ADAM17: variants seen among roughly 807,000 people sequenced by gnomAD.
The protein encoded by ADAM17 is disintegrin and metalloproteinase domain-containing protein 17.
ADAM17 carries 39 observed loss-of-function variants against 96.7 expected under a neutral mutation model. That is an observed-to-expected ratio of 0.40 (90% CI 0.31 to 0.53). The LOEUF (loss-of-function observed/expected upper bound fraction) is 0.53, where lower values mean the gene tolerates loss of function less well. Among genes scored for constraint, ADAM17 ranks in the 20% least tolerant of loss-of-function variants. The pLI, the probability that ADAM17 is intolerant of heterozygous loss-of-function variation, is 0.44. For missense variants in ADAM17, 777 were observed against 1,013.2 expected, an observed-to-expected ratio of 0.77 and a Z score of 3.17; for synonymous variants, 344 against 359.2, an observed-to-expected ratio of 0.96 and a Z score of 0.48.
intron 13 of ADAM17, 86 bp from the exon 14 acceptor site, chr2:9,497,334 A>G: frequency 6.5e-7 from 1 of 1,549,044 alleles, no homozygotes; most frequent in Non-Finnish European, 8.7e-7. Context: ...TTCTCATACA[A>G]GTGAGCATCT....
chr2:9,523,488 C>G, intron 6 of ADAM17, 150 bp from the exon 7 acceptor site: 2 of 628,820 alleles, frequency 3.2e-6, no homozygotes, highest in Non-Finnish European at 5.4e-6. Flanking sequence ...TGAGATGTTA[C>G]TGTATCAGAG....
chr2:9,527,974 C>A lies in ADAM17; in HGVS notation c.451-20G>T. ...AAGTGGCTAAAACAGAAAATATATA[C>A]GACTGAGATGGAAAACAATAATAAT... On this transcript the variant is annotated intron_variant, in intron 4 of 18. Transcript: ENST00000310823. 1.4e-6 allele frequency: 2 copies of A among 1,421,918 alleles called. No homozygotes were observed. Among genetic ancestry groups the A allele is most frequent in the Non-Finnish European group, 1.9e-6 (2 of 1,066,692 alleles). 88.1% of individuals were successfully genotyped at this position (1,421,918 alleles called of 1,614,324 possible). A position where few individuals can be genotyped will look rare whatever the true frequency, so the allele number is the denominator to read the frequency against.
In ADAM17 at chr2:9,551,768, T is replaced by C. The variant is rs185043336; in HGVS notation, c.97+3741A>G. Among the ~76,000 whole-genome samples, 78 of 152,250 alleles carry C rather than the reference T, an allele frequency of 5.1e-4. 1 individual carries two copies. Among genetic ancestry groups the C allele is most frequent in the Admixed American group, 1.8e-3 (28 of 15,292 alleles). ...GCCACCGCGCCTGGCCTAAACAATATTTTTAAGTAACTTTTTTTGCATGAA... is the reference window on the plus strand; with the variant it reads ...GCCACCGCGCCTGGCCTAAACAATACTTTTAAGTAACTTTTTTTGCATGAA... On this transcript the variant is annotated intron_variant, in intron 1 of 18. Transcript: ENST00000310823.
intron 2 of ADAM17, among the ~76,000 whole-genome samples, chr2:9,540,001 A>G (rs1665142514): frequency 6.7e-6 from 1 of 150,302 alleles, no homozygotes; most frequent in African/African-American, 2.5e-5. Flanking sequence ...AATAAATTAC[A>G]TACTTCCCTG....
chr2:9,522,844 G>T (rs1664367894), intron 7 of ADAM17, among the ~76,000 whole-genome samples: 1 of 152,020 alleles, frequency 6.6e-6, no homozygotes, highest in Non-Finnish European at 1.5e-5. Flanking sequence ...GAACCTAAAG[G>T]TTCTGTATAT....
chr2:9,523,007 A>G (rs1664374077), intron 7 of ADAM17, among the ~76,000 whole-genome samples: 1 of 152,202 alleles, frequency 6.6e-6, no homozygotes, highest in Non-Finnish European at 1.5e-5. Context: ...AATTCAAAGA[A>G]GGAACAAAGC....
chr2:9,516,407 T>C (rs1451671117), intron 10 of ADAM17, among the ~76,000 whole-genome samples: 1 of 152,150 alleles, frequency 6.6e-6, no homozygotes, highest in African/African-American at 2.4e-5. Context: ...ATATTTCAGA[T>C]AGCAGTCTTT....
At position 9,498,614 on chromosome 2, in the gene ADAM17, G is replaced by A. The variant is rs534586448; in HGVS notation, c.1649-1366C>T. Among the ~76,000 whole-genome samples the A allele has an allele frequency of 1.2e-4, 19 of 152,264 alleles. 1 individual carries two copies. In the South Asian group the frequency reaches 3.9e-3, roughly 32 times the overall value. On this transcript the variant is annotated intron_variant, in intron 13 of 18. Coordinates refer to ENST00000310823, the MANE Select transcript of ADAM17 (RefSeq NM_003183.6). ...CTGGCCAGTTTCAAACAAAAGTGAT[G>A]GTTTATTAAGTACCCAACAGATAAC...
chr2:9,548,071 T>C (rs1284601426), intron 1 of ADAM17, among the ~76,000 whole-genome samples: 2 of 130,870 alleles, frequency 1.5e-5, no homozygotes, highest in African/African-American at 5.7e-5. Context: ...TGTCTCAAAA[T>C]CCAAAAAAAA....
intron 1 of ADAM17, among the ~76,000 whole-genome samples, chr2:9,546,359 C>T (rs974794233): frequency 1.3e-5 from 2 of 152,176 alleles, no homozygotes; most frequent in Admixed American, 6.5e-5. Flanking sequence ...AACTGGATAT[C>T]TCAAATTGAA....
chr2:9,500,995 C>T (rs1469426382), intron 13 of ADAM17, among the ~76,000 whole-genome samples: 1 of 152,158 alleles, frequency 6.6e-6, no homozygotes, highest in Non-Finnish European at 1.5e-5. Flanking sequence ...AAAATACACA[C>T]ACACAACAAA....
intron 11 of ADAM17, among the ~76,000 whole-genome samples, chr2:9,506,359 GTTTTTTTTTTTTTT>G (rs769256744): frequency 8.2e-5 from 6 of 73,208 alleles, no homozygotes; most frequent in South Asian, 9.5e-4. Flanking sequence ...CTTCAAATCT[GTTTTTTTTTTTTTT>G]TTTTTTTTTT....
intron 6 of ADAM17, among the ~76,000 whole-genome samples, chr2:9,525,180 T>C (rs554416969): frequency 6.6e-6 from 1 of 151,766 alleles, no homozygotes; most frequent in African/African-American, 2.4e-5. Context: ...ACGCCTGTAA[T>C]TCCAGCTACT....
chr2:9,552,782 TA>T (rs1437523912), intron 1 of ADAM17, among the ~76,000 whole-genome samples: 2 of 152,218 alleles, frequency 1.3e-5, no homozygotes, highest in African/African-American at 4.8e-5. Context: ...ATAACTTTCC[TA>T]AATTATGCAA....
At chr2:9,518,348 C>A (rs955243863) in intron 8 of ADAM17, 101 bp from the exon 9 acceptor site, 4 of 1,334,160 alleles carry the variant, frequency 3.0e-6, no homozygotes, top group Non-Finnish European at 3.9e-6. Flanking sequence ...CATTCCAGAA[C>A]AGAACTATGA....
intron 2 of ADAM17, among the ~76,000 whole-genome samples, chr2:9,541,811 C>G (rs4476322): frequency 0.64 from 96,239 of 151,008 alleles, 31,913 homozygotes; most frequent in Middle Eastern, 0.76. Flanking sequence ...AGGCCGAGAT[C>G]GTGGATCACT....
intron 4 of ADAM17, among the ~76,000 whole-genome samples, chr2:9,528,162 A>G (rs1664600934): frequency 6.6e-6 from 1 of 152,008 alleles, no homozygotes; most frequent in African/African-American, 2.4e-5. Context: ...ATAAACTCTG[A>G]TTATTTTATC....
chr2:9,524,576 C>T (rs1664444008), intron 6 of ADAM17, among the ~76,000 whole-genome samples: 1 of 152,140 alleles, frequency 6.6e-6, no homozygotes, highest in African/African-American at 2.4e-5. Context: ...AACTGTATTC[C>T]CTTCTAAAAA....
intron 12 of ADAM17, among the ~76,000 whole-genome samples, chr2:9,503,250 G>A (rs1335743496): frequency 3.3e-5 from 5 of 151,462 alleles, no homozygotes; most frequent in African/African-American, 7.3e-5. Flanking sequence ...TATTTACAGC[G>A]TTAATATGCA....
Sources: gnomAD v4.1 joint callset for allele counts (sites outside exome capture counted in the v4.1 genomes callset) on GRCh38, gnomAD v4.1.1 for gene constraint, MANE v1.5 for transcripts, NCBI Gene and HGNC (gene_info 2026-07-23, HGNC 2026-07-21) for gene names.